The following CTNND2 variants were observed in gnomAD, a reference collection of about 807,000 sequenced individuals.
CTNND2 encodes the protein catenin delta 2.
In CTNND2, 22 loss-of-function variants were observed where a neutral mutation model predicts 144.4. That is an observed-to-expected ratio of 0.15 (90% CI 0.11 to 0.22). CTNND2 has a LOEUF of 0.22. CTNND2 is among the 10% of genes least tolerant of loss of function. CTNND2 has a pLI of 1.00. For synonymous variants in CTNND2, 751 were observed against 695.6 expected, an observed-to-expected ratio of 1.08 and a Z score of -1.25; for missense variants, 1,353 against 1,618.8, an observed-to-expected ratio of 0.84 and a Z score of 2.82.
intron 14 of CTNND2, among the ~76,000 whole-genome samples, chr5:11,109,336 T>G (rs928902741): frequency 1.1e-4 from 16 of 152,218 alleles, no homozygotes; most frequent in Non-Finnish European, 1.5e-5. Context: ...ACAGCATGCA[T>G]GCATCATATT....
chr5:11,149,900 A>C (rs1180194738), intron 12 of CTNND2, among the ~76,000 whole-genome samples: 2 of 152,164 alleles, frequency 1.3e-5, no homozygotes, highest in Non-Finnish European at 2.9e-5. Flanking sequence ...CTGCTTTAGA[A>C]AATTTTGTAG....
At chr5:11,583,477 G>A (rs967201050) in intron 2 of CTNND2, among the ~76,000 whole-genome samples, 1 of 152,180 alleles carries the variant, frequency 6.6e-6, no homozygotes, top group Non-Finnish European at 1.5e-5. Flanking sequence ...TTAAGTACAC[G>A]TGGATACAAA....
Position 11,903,458 on chromosome 5 carries a change from G to C in CTNND2, c.37+359C>G, listed in dbSNP as rs962707348. ...CCACCCCGTCTCCTCCCGTATATTA[G>C]GGACGTCATGAATGCACCGAGTATG... is the stretch of plus-strand genomic sequence containing the variant. On this transcript the variant is annotated intron_variant, in intron 1 of 21. Coordinates refer to ENST00000304623, the MANE Select transcript of CTNND2 (RefSeq NM_001332.4). This position sits in a 1 kb window ranked among gnomAD's most constrained non-coding sequence, Gnocchi z 5.4. 3 of 818,424 alleles carry C rather than the reference G, an allele frequency of 3.7e-6. No individual in the cohort carries two copies. The highest frequency in any genetic ancestry group is 4.6e-6 in the Non-Finnish European group (3 of 658,372). 50.7% of individuals were successfully genotyped at this position (818,424 alleles called of 1,614,324 possible).
intron 1 of CTNND2, among the ~76,000 whole-genome samples, chr5:11,842,585 G>A (rs758958848): frequency 1.6e-4 from 25 of 152,056 alleles, no homozygotes; most frequent in Admixed American, 7.8e-4. Flanking sequence ...CGGGCACGGT[G>A]GCGGGCGCCT....
chr5:11,129,312 AAAT>A (rs1561354112), intron 12 of CTNND2, among the ~76,000 whole-genome samples: 1 of 76,746 alleles, frequency 1.3e-5, no homozygotes, highest in African/African-American at 7.9e-5. Flanking sequence ...TTATATATAT[AAAT>A]ATATATAATA....
chr5:11,089,355 C>T (rs886117772), intron 15 of CTNND2, among the ~76,000 whole-genome samples: 5 of 152,258 alleles, frequency 3.3e-5, no homozygotes, highest in Admixed American at 3.3e-4. Context: ...TCCTCACCTC[C>T]TCCACTTCAT....
At chr5:11,234,677 A>G (rs925647655) in intron 10 of CTNND2, among the ~76,000 whole-genome samples, 1 of 152,190 alleles carries the variant, frequency 6.6e-6, no homozygotes, top group Non-Finnish European at 1.5e-5. Flanking sequence ...TGGCCCATGG[A>G]TCACGTTTAC....
intron 9 of CTNND2, among the ~76,000 whole-genome samples, chr5:11,292,726 G>T (rs1473303445): frequency 2.0e-5 from 3 of 152,094 alleles, no homozygotes; most frequent in Admixed American, 2.0e-4. Context: ...TACCCAGTTT[G>T]GGGCAGTTCT....
At position 11,083,259 on chromosome 5, in the gene CTNND2, C is replaced by T. The variant is rs111801919; in HGVS notation, c.2638-413G>A. 1.2e-3 allele frequency among the ~76,000 whole-genome samples: 190 copies of T among 152,304 alleles called. 1 individual carries two copies. Among genetic ancestry groups the T allele is most frequent in the African/African-American group, 4.6e-3 (190 of 41,574 alleles). ...AATGGGTTGTGTGGGAGTGATTTCT[C>T]AAGACAGCTTTGAATTTGGAGATGG... On this transcript the variant is annotated intron_variant, in intron 15 of 21. Coordinates refer to ENST00000304623, the MANE Select transcript of CTNND2 (RefSeq NM_001332.4).
intron 2 of CTNND2, among the ~76,000 whole-genome samples, chr5:11,625,670 G>A (rs964486414): frequency 5.9e-5 from 9 of 151,988 alleles, no homozygotes; most frequent in African/African-American, 2.2e-4. Context: ...AAAATTAAAA[G>A]GGAACCACAG....
At chr5:11,632,272 G>C (rs1277410182) in intron 2 of CTNND2, among the ~76,000 whole-genome samples, 1 of 152,120 alleles carries the variant, frequency 6.6e-6, no homozygotes, top group Non-Finnish European at 1.5e-5. Flanking sequence ...AAGATTCATA[G>C]GGGGATGAAA....
chr5:11,841,178 T>G (rs1794450592), intron 1 of CTNND2, among the ~76,000 whole-genome samples: 1 of 152,194 alleles, frequency 6.6e-6, no homozygotes, highest in South Asian at 2.1e-4. Context: ...CTTTCCAAAG[T>G]GCAATCTTTA....
At chr5:11,020,789 G>A (rs901663512) in intron 17 of CTNND2, among the ~76,000 whole-genome samples, 4 of 151,084 alleles carry the variant, frequency 2.6e-5, no homozygotes, top group African/African-American at 7.4e-5. Context: ...GACTAAGCAG[G>A]AGAACTGTAA....
chr5:11,271,742 C>T (rs1746036784), intron 9 of CTNND2, among the ~76,000 whole-genome samples: 1 of 152,108 alleles, frequency 6.6e-6, no homozygotes, highest in Admixed American at 6.5e-5. Flanking sequence ...GCTCCAATTA[C>T]CAAGTGGGTC....
chr5:11,552,647 GCCAAGA>G (rs1020961362), intron 3 of CTNND2, among the ~76,000 whole-genome samples: 1 of 152,094 alleles, frequency 6.6e-6, no homozygotes, highest in African/African-American at 2.4e-5. Context: ...ATGTGTCGCT[GCCAAGA>G]CCACAATCTT....
chr5:11,026,701 A>T lies in CTNND2; in HGVS notation c.2789-3722T>A, dbSNP rs537380221. On this transcript the variant is annotated intron_variant, in intron 16 of 21. Coordinates refer to ENST00000304623, the MANE Select transcript of CTNND2 (RefSeq NM_001332.4). ...AATTTGATTAAAAGATATGACACAG[A>T]CTGAAAATAATAGAGTGATTCATTC... Among the ~76,000 whole-genome samples the T allele has an allele frequency of 2.6e-5, 4 of 152,270 alleles. No individual in the cohort carries two copies. The South Asian group carries it at 8.3e-4, about 32-fold the overall frequency.
At chr5:11,718,901 C>T (rs912904183) in intron 2 of CTNND2, among the ~76,000 whole-genome samples, 1 of 152,056 alleles carries the variant, frequency 6.6e-6, no homozygotes, top group Non-Finnish European at 1.5e-5. Flanking sequence ...TGATTTAATC[C>T]CCAGCTTGAG....
intron 5 of CTNND2, among the ~76,000 whole-genome samples, chr5:11,404,602 CTTTTTT>C (rs555388304): frequency 3.5e-5 from 2 of 57,386 alleles, no homozygotes; most frequent in Admixed American, 3.2e-4. Flanking sequence ...TATCTGTATT[CTTTTTT>C]TTTTTTTTTT....
At chr5:11,068,962 G>A (rs533966245) in intron 16 of CTNND2, among the ~76,000 whole-genome samples, 4 of 152,180 alleles carry the variant, frequency 2.6e-5, no homozygotes, top group Non-Finnish European at 5.9e-5. Flanking sequence ...CTAGACGACA[G>A]AACAGATCCG....
Sources: allele counts gnomAD v4.1 joint callset (sites outside exome capture counted in the v4.1 genomes callset), GRCh38; gene constraint gnomAD v4.1.1; non-coding constraint Gnocchi (gnomAD v3.1); transcripts MANE v1.5; gene names NCBI Gene and HGNC (gene_info 2026-07-23, HGNC 2026-07-21).